The following CARMIL1 variants were observed in gnomAD, a reference collection of about 807,000 sequenced individuals.
The protein encoded by CARMIL1 is F-actin-uncapping protein LRRC16A.
CARMIL1 carries 90 observed loss-of-function variants against 177.1 expected under a neutral mutation model. The observed-to-expected ratio is 0.51, with a 90% CI of 0.43 to 0.61. The LOEUF is 0.61. CARMIL1 is among the 20% of genes least tolerant of loss of function. CARMIL1 has a pLI of 0.00. For missense variants in CARMIL1, 1,380 were observed against 1,667.0 expected (o/e 0.83, Z 3.00); for synonymous variants, 577 against 606.2 (o/e 0.95, Z 0.71).
At chr6:25,565,714 A>C (rs1811498154) in intron 29 of CARMIL1, among the ~76,000 whole-genome samples, 2 of 152,158 alleles carry the variant, frequency 1.3e-5, no homozygotes, top group African/African-American at 4.8e-5. Flanking sequence ...GCGTGATGGC[A>C]CGTGCCTGTA....
chr6:25,488,593 T>C lies in CARMIL1; in HGVS notation c.1065+8T>C, dbSNP rs778830310. 1 of 1,597,960 alleles carries C rather than the reference T, an allele frequency of 6.3e-7. No individual in the cohort carries two copies. The highest frequency in any genetic ancestry group is 8.6e-7 in the Non-Finnish European group (1 of 1,165,202). Reference sequence around the variant, plus strand: ...CGTGGAGATGACCTCTCAGTAAGTTTTCTTTTCTTTATTCCATCTTCGAAG... The same window carrying C: ...CGTGGAGATGACCTCTCAGTAAGTTCTCTTTTCTTTATTCCATCTTCGAAG... On this transcript the variant is annotated splice_region_variant and intron_variant, in intron 13 of 36. Coordinates refer to ENST00000329474, the MANE Select transcript of CARMIL1 (RefSeq NM_017640.6).
intron 2 of CARMIL1, among the ~76,000 whole-genome samples, chr6:25,387,114 CAA>C (rs377548646): frequency 7.2e-4 from 73 of 101,902 alleles, no homozygotes; most frequent in East Asian, 1.3e-3. Flanking sequence ...ACTCTGTCTC[CAA>C]AAAAAAAAAA....
intron 2 of CARMIL1, among the ~76,000 whole-genome samples, chr6:25,292,814 G>T (rs192050073): frequency 2.5e-3 from 373 of 152,198 alleles, no homozygotes; most frequent in Admixed American, 7.8e-3. Context: ...GGTAAGTGAT[G>T]GGGGGGAGTA....
Position 25,515,650 on chromosome 6 carries a change from G to A in CARMIL1, c.1633-25G>A, listed in dbSNP as rs746786796. On this transcript the variant is annotated intron_variant, in intron 20 of 36. Transcript: ENST00000329474. The surrounding 1 kb of genome is among the most constrained non-coding windows in gnomAD (Gnocchi z 5.0). ...GGTGCTGCTTTGATGAGACTGCTGAGTGCCGTGTGTCATTTGCTCCGCAGC... is the reference window on the plus strand; with the variant it reads ...GGTGCTGCTTTGATGAGACTGCTGAATGCCGTGTGTCATTTGCTCCGCAGC... 3 of 1,578,008 alleles carry A rather than the reference G, an allele frequency of 1.9e-6. No individual in the cohort carries two copies. Among genetic ancestry groups the A allele is most frequent in the African/African-American group, 1.3e-5 (1 of 74,118 alleles).
Position 25,604,839 on chromosome 6 carries a change from G to T in CARMIL1, c.3580G>T (p.Asp1194Tyr). ...GCTTGGGAATGATGCCGTATCCCAG[G>T]ATTCTTCCAGCCCAGCTTTGAGCGG... ...KKLGNDAVSQ[D>Y]SSSPALSGVE... is the part of the protein sequence containing the mutation. Residue 1194 changes from aspartate to tyrosine, a missense_variant, in exon 34 of 37, where the codon GAT becomes TAT. Coordinates refer to ENST00000329474, the MANE Select transcript of CARMIL1 (RefSeq NM_017640.6). 3 of 1,596,228 alleles carry T rather than the reference G, an allele frequency of 1.9e-6. No homozygotes were observed. Among genetic ancestry groups the T allele is most frequent in the Non-Finnish European group, 2.6e-6 (3 of 1,171,806 alleles).
intron 2 of CARMIL1, among the ~76,000 whole-genome samples, chr6:25,288,502 T>C (rs1477186642): frequency 1.4e-5 from 2 of 147,680 alleles, no homozygotes; most frequent in African/African-American, 5.1e-5. Context: ...TTTTTCCGTA[T>C]GGAAAAAATC....
At chr6:25,298,269 G>C (rs1034564975) in intron 2 of CARMIL1, among the ~76,000 whole-genome samples, 1 of 152,128 alleles carries the variant, frequency 6.6e-6, no homozygotes, top group African/African-American at 2.4e-5. Flanking sequence ...AGATTATTCA[G>C]ATATATTTTA....
chr6:25,515,856 A>C lies in CARMIL1; in HGVS notation c.1805+9A>C. ...ATCAACACTAAGCTCAGGTAGGCAG[A>C]TCCCACCCTCCCTGCTCATGAGGAA... On this transcript the variant is annotated intron_variant, in intron 21 of 36. Transcript: ENST00000329474. The surrounding 1 kb of genome is among the most constrained non-coding windows in gnomAD (Gnocchi z 5.0). The C allele has an allele frequency of 6.3e-7, 1 of 1,591,412 alleles. No homozygotes were observed. Among genetic ancestry groups the C allele is most frequent in the Middle Eastern group, 1.7e-4 (1 of 6,008 alleles).
At chr6:25,355,689 AC>A (rs1788524940) in intron 2 of CARMIL1, among the ~76,000 whole-genome samples, 1 of 152,138 alleles carries the variant, frequency 6.6e-6, no homozygotes, top group African/African-American at 2.4e-5. Flanking sequence ...AGAAAAATAA[AC>A]AACCAACCAA....
At chr6:25,525,465 C>A (rs1379244164) in intron 23 of CARMIL1, among the ~76,000 whole-genome samples, 1 of 152,078 alleles carries the variant, frequency 6.6e-6, no homozygotes, top group Non-Finnish European at 1.5e-5. Context: ...ACTAGTAGAT[C>A]TGTCTTGCAA....
rs74542011 is a variant in CARMIL1 at position 25,317,278 on chromosome 6, G to A, written c.138+32369G>A. ...CCTGAGTAGCTGGGACTATAGGTGT[G>A]CATTACTGTGCTTAGCTAATGTATT... On this transcript the variant is annotated intron_variant, in intron 2 of 36. Transcript: ENST00000329474. Among the ~76,000 whole-genome samples the A allele has an allele frequency of 1.6e-4, 24 of 152,126 alleles. No homozygotes were observed. In the East Asian group the frequency reaches 4.4e-3, roughly 28 times the overall value.
chr6:25,605,011 T>G, intron 34 of CARMIL1, 118 bp downstream of exon 34: 1 of 756,006 alleles, frequency 1.3e-6, no homozygotes, highest in Non-Finnish European at 2.1e-6. Context: ...CTCTTTGTTG[T>G]GTGTTCTCAG....
intron 2 of CARMIL1, among the ~76,000 whole-genome samples, chr6:25,359,863 C>A (rs1181285394): frequency 6.6e-6 from 1 of 151,984 alleles, no homozygotes; most frequent in Non-Finnish European, 1.5e-5. Flanking sequence ...CCAAGTCTGG[C>A]TGAATGGTTT....
At chr6:25,496,664 A>G (rs1484982846) in intron 16 of CARMIL1, among the ~76,000 whole-genome samples, 1 of 152,188 alleles carries the variant, frequency 6.6e-6, no homozygotes, top group Non-Finnish European at 1.5e-5. Flanking sequence ...TTGTATTCTA[A>G]AGTTCCATTA....
chr6:25,374,187 T>C (rs1396327128), intron 2 of CARMIL1, among the ~76,000 whole-genome samples: 1 of 152,236 alleles, frequency 6.6e-6, no homozygotes, highest in Admixed American at 6.5e-5. Context: ...ACTTAACTCA[T>C]AGCACTGCTC....
At chr6:25,317,335 C>T (rs1331060485) in intron 2 of CARMIL1, among the ~76,000 whole-genome samples, 1 of 151,896 alleles carries the variant, frequency 6.6e-6, no homozygotes, top group Admixed American at 6.6e-5. Context: ...TGAGGTCTCC[C>T]TATGTTGCCC....
At chr6:25,518,518 C>T (rs1173791782) in intron 22 of CARMIL1, among the ~76,000 whole-genome samples, 2 of 152,170 alleles carry the variant, frequency 1.3e-5, no homozygotes, top group Non-Finnish European at 2.9e-5. Context: ...AGGGGTAAGG[C>T]AGCTTAGACT....
At chr6:25,455,604 G>A (rs1334264814) in intron 8 of CARMIL1, among the ~76,000 whole-genome samples, 1 of 152,196 alleles carries the variant, frequency 6.6e-6, no homozygotes, top group African/African-American at 2.4e-5. Context: ...GCTCCAGTTG[G>A]CAGTTATAGC....
At chr6:25,417,607 G>A (rs774353640) in intron 2 of CARMIL1, among the ~76,000 whole-genome samples, 1 of 152,152 alleles carries the variant, frequency 6.6e-6, no homozygotes, top group Non-Finnish European at 1.5e-5. Flanking sequence ...CTACCTTCAC[G>A]GTAACTGATC....
Sources: gnomAD v4.1 joint callset for allele counts (sites outside exome capture counted in the v4.1 genomes callset) on GRCh38, gnomAD v4.1.1 for gene constraint, Gnocchi (gnomAD v3.1) non-coding constraint, MANE v1.5 for transcripts, NCBI Gene and HGNC (gene_info 2026-07-23, HGNC 2026-07-21) for gene names.